Variants in RFLNA observed in about 807,000 individuals in gnomAD.
The protein encoded by RFLNA is refilin-A.
RFLNA carries 5 observed loss-of-function variants against 7.8 expected under a neutral mutation model. The observed-to-expected ratio is 0.64, with a 90% CI of 0.34 to 1.35. The LOEUF (loss-of-function observed/expected upper bound fraction) is 1.35, where lower values mean the gene tolerates loss of function less well. Among genes scored for constraint, RFLNA ranks in the 40% most tolerant of loss-of-function variants. RFLNA has a pLI of 0.04. For synonymous variants in RFLNA, 141 were observed against 131.3 expected (o/e 1.07, Z -0.50); for missense variants, 278 against 305.5 (o/e 0.91, Z 0.67).
rs1566316499 is a variant in RFLNA at position 124,289,363 on chromosome 12, G to A, written c.-44G>A. On this transcript the variant is annotated 5_prime_UTR_variant, in exon 1 of 3. Coordinates refer to the RFLNA transcript ENST00000324038. The surrounding 1 kb of genome is among the most constrained non-coding windows in gnomAD (Gnocchi z 5.0). ...TCAGCCGTAGGCGTCTTTGCCCGGA[G>A]CTGTGAGGTGAGTCCAGCAGCCCCA... The A allele has an allele frequency of 6.6e-6, 1 of 152,228 alleles. No individual in the cohort carries two copies. Among genetic ancestry groups the A allele is most frequent in the Non-Finnish European group, 1.5e-5 (1 of 68,048 alleles). 9.4% of individuals were successfully genotyped at this position (152,228 alleles called of 1,614,324 possible). A position where few individuals can be genotyped will look rare whatever the true frequency, so the allele number is the denominator to read the frequency against.
rs1405590953 is a variant in RFLNA, at chr12:124,314,360, G to A, written c.486G>A (p.Leu162=). ...QLTLEPRPRA[L]RFRSTTIIFP... is the part of the protein sequence containing the mutation. Reference sequence around the variant, plus strand: ...CCCTGGAGCCACGCCCGCGCGCCCTGCGCTTCCGCAGCACCACCATCATCT... The same window carrying A: ...CCCTGGAGCCACGCCCGCGCGCCCTACGCTTCCGCAGCACCACCATCATCT... The change falls in exon 3 of 3, where the codon CTG becomes CTA. Residue 162 remains leucine (L), a synonymous_variant. Transcript: ENST00000546355. 1 of 1,613,140 alleles carries A rather than the reference G, an allele frequency of 6.2e-7. No individual in the cohort carries two copies. The highest frequency in any genetic ancestry group is 8.5e-7 in the Non-Finnish European group (1 of 1,179,952).
chr12:124,292,703 CA>C (rs144297159), upstream of RFLNA, among the ~76,000 whole-genome samples: 104 of 152,286 alleles, frequency 6.8e-4, 1 homozygote, highest in South Asian at 0.012. Flanking sequence ...CAGCCTGTTT[CA>C]GGGGAAACTT....
At chr12:124,291,009 T>G (rs2033817284), upstream of RFLNA, among the ~76,000 whole-genome samples, 1 of 152,154 alleles carries the variant, frequency 6.6e-6, no homozygotes, top group Non-Finnish European at 1.5e-5. Flanking sequence ...TCAGATGGCC[T>G]TGTTTCAGGG....
rs553234927 is a variant in RFLNA at position 124,306,351 on chromosome 12, C to T, written c.208-5467C>T. Among the ~76,000 whole-genome samples the T allele has an allele frequency of 6.6e-5, 10 of 152,234 alleles. No homozygotes were observed. Among genetic ancestry groups the T allele is most frequent in the East Asian group, 1.9e-4 (1 of 5,166 alleles). Reference sequence around the variant, plus strand: ...CTGAGTTGGCTCTCACCAGCCCAAGCGAGAAGCAGCCAGTGCAGCAGGGAA... The same window carrying T: ...CTGAGTTGGCTCTCACCAGCCCAAGTGAGAAGCAGCCAGTGCAGCAGGGAA... On this transcript the variant is annotated intron_variant, in intron 1 of 2. Coordinates refer to ENST00000546355, the MANE Select transcript of RFLNA (RefSeq NM_001365156.1). This position sits in a 1 kb window ranked among gnomAD's most constrained non-coding sequence, Gnocchi z 5.2.
At chr12:124,313,666 G>C (rs1593041397) in intron 2 of RFLNA, among the ~76,000 whole-genome samples, 1 of 135,656 alleles carries the variant, frequency 7.4e-6, no homozygotes, top group South Asian at 2.4e-4. Context: ...GTGACAGAGC[G>C]AGACTCCGTC....
At chr12:124,298,858 T>C (rs1195680220) in intron 1 of RFLNA, among the ~76,000 whole-genome samples, 4 of 152,240 alleles carry the variant, frequency 2.6e-5, no homozygotes, top group East Asian at 1.9e-4. Context: ...GACAATGGCA[T>C]GTGCAAAGGT....
At chr12:124,297,773 C>G (rs2033954353) in intron 1 of RFLNA, among the ~76,000 whole-genome samples, 2 of 152,214 alleles carry the variant, frequency 1.3e-5, no homozygotes, top group Admixed American at 6.5e-5. Flanking sequence ...GAAAGGATTG[C>G]CTGGCGCCCA....
At chr12:124,303,843 G>A (rs1341731498) in intron 1 of RFLNA, among the ~76,000 whole-genome samples, 1 of 152,194 alleles carries the variant, frequency 6.6e-6, no homozygotes, top group South Asian at 2.1e-4. Context: ...CTCACAGACC[G>A]GCTGGGGGTG....
chr12:124,303,638 C>T (rs888480114), intron 1 of RFLNA, among the ~76,000 whole-genome samples: 2 of 152,338 alleles, frequency 1.3e-5, no homozygotes, highest in South Asian at 2.1e-4. Flanking sequence ...AGCTTCCAGG[C>T]GGATGCTGAG....
intron 2 of RFLNA, 125 bp downstream of exon 2, chr12:124,312,052 C>T (rs2034255341): frequency 8.6e-7 from 1 of 1,168,810 alleles, no homozygotes; most frequent in Non-Finnish European, 1.1e-6. Context: ...CCCTACCCTC[C>T]AGGCAGCCCC....
intron 2 of RFLNA, 81 bp from the exon 3 acceptor site, chr12:124,314,111 C>T (rs2034303334): frequency 6.6e-7 from 1 of 1,505,374 alleles, no homozygotes; most frequent in Non-Finnish European, 8.9e-7. Flanking sequence ...TGCCCAGGGC[C>T]CTTTCGTGTC....
intron 1 of RFLNA, 108 bp downstream of exon 1, chr12:124,295,744 C>G (rs1566319700): frequency 7.2e-6 from 8 of 1,110,568 alleles, no homozygotes. Context: ...TCCTCCTCTA[C>G]CTGCCCCGCA....
chr12:124,303,655 A>T (rs938790817), intron 1 of RFLNA, among the ~76,000 whole-genome samples: 1 of 152,194 alleles, frequency 6.6e-6, no homozygotes, highest in Admixed American at 6.5e-5. Context: ...TGAGCCCCCC[A>T]GGAAACCACC....
intron 1 of RFLNA, among the ~76,000 whole-genome samples, chr12:124,308,887 T>A (rs984550424): frequency 2.0e-5 from 3 of 152,204 alleles, no homozygotes; most frequent in Non-Finnish European, 2.9e-5. Context: ...CTGTGCAGGG[T>A]GCTTGCTGTG....
At chr12:124,302,805 T>TCAGGGGCC (rs1275197389) in intron 1 of RFLNA, among the ~76,000 whole-genome samples, 7 of 127,564 alleles carry the variant, frequency 5.5e-5, no homozygotes, top group Non-Finnish European at 6.6e-5. Context: ...GGTCAGGGGC[T>TCAGGGGCC]GAGGTCAGGG....
rs1027175431 is a variant in RFLNA at position 124,315,637 on chromosome 12, A to C, written c.*1112A>C. 2 of 152,230 alleles carry C rather than the reference A, an allele frequency of 1.3e-5. No homozygotes were observed. Among genetic ancestry groups the C allele is most frequent in the Non-Finnish European group, 2.9e-5 (2 of 68,070 alleles). The allele number at this position is 152,230 out of a possible 1,614,324, so 9.4% of individuals were successfully genotyped here. On this transcript the variant is annotated 3_prime_UTR_variant, in exon 3 of 3. Transcript: ENST00000546355. ...GGCTCCGTGGAACAAGCCAGGATGCACGGGGAGCTGGGGGAGCCCCCAGCC... is the reference window on the plus strand; with the variant it reads ...GGCTCCGTGGAACAAGCCAGGATGCCCGGGGAGCTGGGGGAGCCCCCAGCC...
chr12:124,301,199 C>T (rs911118457), intron 1 of RFLNA, among the ~76,000 whole-genome samples: 2 of 152,124 alleles, frequency 1.3e-5, no homozygotes, highest in Non-Finnish European at 2.9e-5. Context: ...AGCCAGAAGC[C>T]CTGCGCCTCC....
intron 1 of RFLNA, among the ~76,000 whole-genome samples, chr12:124,296,604 A>C (rs988365713): frequency 3.3e-5 from 5 of 152,142 alleles, no homozygotes; most frequent in Non-Finnish European, 7.3e-5. Context: ...CTCACAGGGC[A>C]AAAAAGGCCT....
At chr12:124,296,072 T>TTTTCTTTCTTTCTTCTTTCTTTC (rs1213737495) in intron 1 of RFLNA, among the ~76,000 whole-genome samples, 1,594 of 94,706 alleles carry the variant, frequency 0.017, 186 homozygotes, top group African/African-American at 0.023. Flanking sequence ...TGTGAAAGCC[T>TTTTCTTTCTTTCTTCTTTCTTTC]TTTCTTTCTT....
Sources: allele counts gnomAD v4.1 joint callset (sites outside exome capture counted in the v4.1 genomes callset), GRCh38; gene constraint gnomAD v4.1.1; non-coding constraint Gnocchi (gnomAD v3.1); transcripts MANE v1.5; gene names NCBI Gene and HGNC (gene_info 2026-07-23, HGNC 2026-07-21).